Variants in IQCB1 observed in about 807,000 individuals in gnomAD.
IQCB1 encodes IQ calmodulin-binding motif-containing protein 1.
In IQCB1, 56 loss-of-function variants were observed where a neutral mutation model predicts 84.4. The observed-to-expected ratio is 0.66, with a 90% CI of 0.54 to 0.83. The LOEUF (loss-of-function observed/expected upper bound fraction) is 0.83, where lower values mean the gene tolerates loss of function less well. Among genes scored for constraint, IQCB1 ranks in the 40% least tolerant of loss-of-function variants. IQCB1 has a pLI of 0.00. For synonymous variants in IQCB1, 210 were observed against 234.8 expected, an observed-to-expected ratio of 0.89 and a Z score of 0.96; for missense variants, 629 against 682.1, an observed-to-expected ratio of 0.92 and a Z score of 0.87.
In IQCB1 at chr3:121,770,085, C is replaced by T. The variant is rs1291032801; in HGVS notation, c.*260G>A. On this transcript the variant is annotated 3_prime_UTR_variant, in exon 15 of 15. Coordinates refer to ENST00000310864, the MANE Select transcript of IQCB1 (RefSeq NM_001023570.4). The stretch of plus-strand genomic sequence containing the variant: ...CAAAGAAAAACACACTTCATGTAAA[C>T]AACAGAACACTATGCTAAGTTTAGT... 1.4e-5 allele frequency: 5 copies of T among 360,972 alleles called. No homozygotes were observed. Among genetic ancestry groups the T allele is most frequent in the Non-Finnish European group, 2.0e-5 (4 of 196,388 alleles). 22.4% of individuals were successfully genotyped at this position (360,972 alleles called of 1,614,324 possible).
At chr3:121,791,244 A>G (rs1395195329) in intron 10 of IQCB1, among the ~76,000 whole-genome samples, 1 of 152,216 alleles carries the variant, frequency 6.6e-6, no homozygotes, top group African/African-American at 2.4e-5. Flanking sequence ...AACTGTAAAC[A>G]AATGTGGTAC....
intron 4 of IQCB1, 94 bp from the exon 5 acceptor site, chr3:121,826,274 G>T: frequency 8.3e-7 from 1 of 1,211,942 alleles, no homozygotes. Flanking sequence ...TTTTTAGTAT[G>T]CTTCTTTTGT....
chr3:121,783,416 A>G lies in IQCB1; in HGVS notation c.1279-1542T>C, dbSNP rs77065764. On this transcript the variant is annotated intron_variant, in intron 12 of 14. Transcript: ENST00000310864. Reference sequence around the variant, plus strand: ...TCCTATATTATTACATCATAATTTTAGTTAAATTAATGTTCAATGTTTACA... The same window carrying G: ...TCCTATATTATTACATCATAATTTTGGTTAAATTAATGTTCAATGTTTACA... 6.3e-3 allele frequency among the ~76,000 whole-genome samples: 952 copies of G among 152,244 alleles called. 9 individuals carry two copies. The highest frequency in any genetic ancestry group is 0.022 in the African/African-American group (893 of 41,520).
At chr3:121,778,152 C>T (rs924386946) in intron 13 of IQCB1, among the ~76,000 whole-genome samples, 1 of 152,130 alleles carries the variant, frequency 6.6e-6, no homozygotes, top group African/African-American at 2.4e-5. Flanking sequence ...AAGCAATCCT[C>T]CTGGCCTTGG....
At chr3:121,793,346 A>G (rs1949067417) in intron 10 of IQCB1, among the ~76,000 whole-genome samples, 1 of 152,244 alleles carries the variant, frequency 6.6e-6, no homozygotes, top group Non-Finnish European at 1.5e-5. Flanking sequence ...GCGTGACTAT[A>G]AAAGAATGCC....
Position 121,807,433 on chromosome 3 carries a change from A to G in IQCB1, c.498T>C (p.Ser166=). Residue 166 remains serine, a synonymous_variant, in exon 7 of 15, where the codon AGT becomes AGC. Coordinates refer to ENST00000310864, the MANE Select transcript of IQCB1 (RefSeq NM_001023570.4). Reference sequence around the variant, plus strand: ...CTTGCAGTAAATGTAAGAAATGATCACTTTGTAGTACTAAAGGAAAAGAAA... The same window carrying G: ...CTTGCAGTAAATGTAAGAAATGATCGCTTTGTAGTACTAAAGGAAAAGAAA... ...HVELIQNVLQ[S]DHFLHLLQAD... 6.9e-7 allele frequency: 1 copy of G among 1,454,576 alleles called. No homozygotes were observed. The highest frequency in any genetic ancestry group is 1.1e-5 in the South Asian group (1 of 87,452). The allele number at this position is 1,454,576 out of a possible 1,614,324, so 90.1% of individuals were successfully genotyped here. A position where few individuals can be genotyped will look rare whatever the true frequency, so the allele number is the denominator to read the frequency against.
intron 5 of IQCB1, among the ~76,000 whole-genome samples, chr3:121,809,820 A>C (rs901019769): frequency 6.6e-6 from 1 of 152,052 alleles, no homozygotes; most frequent in Non-Finnish European, 1.5e-5. Flanking sequence ...CTATAGCACA[A>C]AAGTAATGAT....
intron 11 of IQCB1, among the ~76,000 whole-genome samples, chr3:121,788,702 T>TAA (rs201220723): frequency 4.0e-5 from 5 of 124,404 alleles, no homozygotes; most frequent in African/African-American, 5.9e-5. Context: ...CAAAGAACAC[T>TAA]AAAAAAAAAA....
chr3:121,772,215 G>A (rs1021397551), intron 14 of IQCB1, among the ~76,000 whole-genome samples: 16 of 152,096 alleles, frequency 1.1e-4, no homozygotes, highest in African/African-American at 3.9e-4. Flanking sequence ...CTCTACAAGT[G>A]AATGGCACTG....
At chr3:121,803,775 T>A (rs959046113) in intron 7 of IQCB1, among the ~76,000 whole-genome samples, 10 of 152,212 alleles carry the variant, frequency 6.6e-5, no homozygotes, top group African/African-American at 2.4e-4. Flanking sequence ...TTCAACTTTC[T>A]GTGGTATAAG....
At chr3:121,799,449 G>A (rs1403472539) in intron 7 of IQCB1, 75 bp from the exon 8 acceptor site, 1 of 912,746 alleles carries the variant, frequency 1.1e-6, no homozygotes, top group Non-Finnish European at 1.7e-6. Flanking sequence ...TAAAATATAA[G>A]ATTCAGTAAC....
chr3:121,782,796 C>T (rs1398158901), intron 12 of IQCB1, among the ~76,000 whole-genome samples: 2 of 152,156 alleles, frequency 1.3e-5, no homozygotes, highest in African/African-American at 4.8e-5. Context: ...TCCCCTGCCT[C>T]AGCCCCCTGA....
chr3:121,772,957 A>G (rs1277715822), intron 13 of IQCB1, among the ~76,000 whole-genome samples: 2 of 149,972 alleles, frequency 1.3e-5, no homozygotes, highest in African/African-American at 4.9e-5. Flanking sequence ...ACTTTCTCAG[A>G]CACTGTGGAA....
At chr3:121,771,974 G>T (rs542383203) in intron 14 of IQCB1, among the ~76,000 whole-genome samples, 1 of 152,192 alleles carries the variant, frequency 6.6e-6, no homozygotes, top group Non-Finnish European at 1.5e-5. Context: ...AAGAGATCGA[G>T]ACCATCCTGG....
intron 2 of IQCB1, among the ~76,000 whole-genome samples, chr3:121,830,698 GC>G (rs1170315915): frequency 1.3e-5 from 2 of 152,038 alleles, no homozygotes; most frequent in African/African-American, 4.8e-5. Flanking sequence ...GGTGCTTTAG[GC>G]CTCAGAAAAC....
intron 12 of IQCB1, 139 bp from the exon 13 acceptor site, chr3:121,782,013 A>C (rs1948517033): frequency 1.2e-6 from 1 of 831,664 alleles, no homozygotes; most frequent in Non-Finnish European, 2.0e-6. Context: ...TGGGACTGTG[A>C]CAAAATGCAG....
At chr3:121,833,628 A>C (rs1708077637) in intron 2 of IQCB1, among the ~76,000 whole-genome samples, 1 of 152,240 alleles carries the variant, frequency 6.6e-6, no homozygotes, top group South Asian at 2.1e-4. Context: ...GTTTATGTAC[A>C]TGTGTACACA....
intron 10 of IQCB1, 148 bp downstream of exon 10, chr3:121,795,309 G>A: frequency 1.5e-6 from 1 of 676,364 alleles, no homozygotes; most frequent in Non-Finnish European, 2.7e-6. Flanking sequence ...CTGGTTACTG[G>A]AGTGTTGGTA....
chr3:121,799,409 C>G, intron 7 of IQCB1, 35 bp from the exon 8 acceptor site: 1 of 1,253,728 alleles, frequency 8.0e-7, no homozygotes, highest in Non-Finnish European at 1.2e-6. Context: ...AGTACCATTA[C>G]TAATTGATGT....
Sources: gnomAD v4.1 joint callset for allele counts (sites outside exome capture counted in the v4.1 genomes callset) on GRCh38, gnomAD v4.1.1 for gene constraint, MANE v1.5 for transcripts, NCBI Gene and HGNC (gene_info 2026-07-23, HGNC 2026-07-21) for gene names.